Variants in C12orf42 observed in about 807,000 individuals in gnomAD.
C12orf42 encodes chromosome 12 open reading frame 42.
A neutral mutation model predicts 21.6 loss-of-function variants in C12orf42; 25 were observed. The observed-to-expected ratio is 1.16, with a 90% CI of 0.84 to 1.62. The LOEUF is 1.62. C12orf42 is among the 40% of genes most tolerant of loss of function. The pLI, the probability that C12orf42 is intolerant of heterozygous loss-of-function variation, is 0.00. For synonymous variants in C12orf42, 174 were observed against 175.0 expected (o/e 0.99, Z 0.05); for missense variants, 483 against 459.3 (o/e 1.05, Z -0.47).
chr12:103,521,070 T>C, the C12orf42 span, among the ~76,000 whole-genome samples: 70 of 152,320 alleles, frequency 4.6e-4, no homozygotes, highest in Admixed American at 9.2e-4. Context: ...TTGTAGGATA[T>C]GGCATGCACT....
the C12orf42 span, among the ~76,000 whole-genome samples, chr12:103,180,643 TTTG>T: frequency 7.2e-6 from 1 of 137,946 alleles, no homozygotes. Flanking sequence ...TTTTTTTTTT[TTTG>T]AGATGGAGTT....
the C12orf42 span, among the ~76,000 whole-genome samples, chr12:103,051,750 T>A: frequency 1.1e-4 from 16 of 152,262 alleles, no homozygotes; most frequent in African/African-American, 3.6e-4. Context: ...CCTTGCTCCA[T>A]CAGTCTGCTT....
In C12orf42 at chr12:103,420,067, C is replaced by A. The variant is rs78193441; in HGVS notation, c.79-18392G>T. 9.5e-4 allele frequency among the ~76,000 whole-genome samples: 144 copies of A among 152,198 alleles called. No homozygotes were observed. The East Asian group carries it at 0.025, about 27-fold the overall frequency. On this transcript the variant is annotated intron_variant, in intron 2 of 5. Transcript: ENST00000548883. Reference sequence around the variant, plus strand: ...TAAAATTGCATTTTTAAAAACATTTCTTTAGAAAGGAAATGTTACAGAGGG... The same window carrying A: ...TAAAATTGCATTTTTAAAAACATTTATTTAGAAAGGAAATGTTACAGAGGG...
the C12orf42 span, among the ~76,000 whole-genome samples, chr12:103,536,168 G>A: frequency 2.0e-5 from 3 of 152,172 alleles, no homozygotes; most frequent in Admixed American, 6.5e-5. Flanking sequence ...AGCAGTTGTG[G>A]GGACTGGTTA....
At chr12:103,377,464 C>G (rs2045795322) in intron 3 of C12orf42, among the ~76,000 whole-genome samples, 1 of 152,118 alleles carries the variant, frequency 6.6e-6, no homozygotes, top group South Asian at 2.1e-4. Context: ...CCTGGTATGT[C>G]CTCCAAACAC....
At chr12:103,210,217 G>A in the C12orf42 span, among the ~76,000 whole-genome samples, 25 of 152,226 alleles carry the variant, frequency 1.6e-4, no homozygotes, top group Non-Finnish European at 3.2e-4. Context: ...AAATAGATAT[G>A]AGATATTTAC....
chr12:103,291,030 AT>A (rs148978191), intron 4 of C12orf42, among the ~76,000 whole-genome samples: 11,962 of 152,152 alleles, frequency 0.079, 482 homozygotes, highest in East Asian at 0.18. Context: ...TTTATAAAAT[AT>A]TTTTTTAAAA....
chr12:103,352,735 T>C (rs1450782719), intron 4 of C12orf42, among the ~76,000 whole-genome samples: 4 of 152,088 alleles, frequency 2.6e-5, no homozygotes, highest in Non-Finnish European at 4.4e-5. Flanking sequence ...CTATGAAGGG[T>C]ACCAGATCTA....
the C12orf42 span, among the ~76,000 whole-genome samples, chr12:103,229,231 G>C: frequency 1.3e-5 from 2 of 152,162 alleles, no homozygotes; most frequent in Non-Finnish European, 2.9e-5. Flanking sequence ...TTGTCTTAAA[G>C]GAGGATATTT....
At chr12:103,367,298 A>G (rs2044693603) in intron 4 of C12orf42, among the ~76,000 whole-genome samples, 1 of 151,946 alleles carries the variant, frequency 6.6e-6, no homozygotes, top group African/African-American at 2.4e-5. Context: ...CAGGGGAAAT[A>G]GTAGGAAGTG....
At chr12:103,317,291 C>T (rs907883131) in intron 4 of C12orf42, among the ~76,000 whole-genome samples, 5 of 152,174 alleles carry the variant, frequency 3.3e-5, no homozygotes, top group Admixed American at 6.5e-5. Flanking sequence ...CACTCAACCA[C>T]CCCCTCTCTC....
intron 4 of C12orf42, among the ~76,000 whole-genome samples, chr12:103,361,645 T>G (rs2044120938): frequency 6.6e-6 from 1 of 152,058 alleles, no homozygotes; most frequent in Non-Finnish European, 1.5e-5. Context: ...GCTCACCCAC[T>G]GCCTAGAAAC....
chr12:103,104,736 T>A, the C12orf42 span, among the ~76,000 whole-genome samples: 1 of 152,092 alleles, frequency 6.6e-6, no homozygotes, highest in African/African-American at 2.4e-5. Flanking sequence ...CCTGGCCGGG[T>A]TTTCCATGTT....
chr12:103,080,892 T>C, the C12orf42 span: 1 of 152,190 alleles, frequency 6.6e-6, no homozygotes, highest in Admixed American at 6.5e-5. Context: ...GAGTTTCAAA[T>C]AGGTCAACAA....
the C12orf42 span, among the ~76,000 whole-genome samples, chr12:103,525,565 AAAATATTATT>A: frequency 6.6e-6 from 1 of 152,192 alleles, no homozygotes; most frequent in African/African-American, 2.4e-5. Context: ...CCCCTGAGGT[AAAATATTATT>A]ATTAACAGTA....
chr12:103,189,397 TCTC>T, the C12orf42 span, among the ~76,000 whole-genome samples: 1 of 152,132 alleles, frequency 6.6e-6, no homozygotes, highest in Non-Finnish European at 1.5e-5. Context: ...AGATTCTAGC[TCTC>T]CTCAAGGAAA....
At chr12:103,471,209 A>G (rs534347161) in intron 2 of C12orf42, among the ~76,000 whole-genome samples, 60 of 152,330 alleles carry the variant, frequency 3.9e-4, no homozygotes, top group Admixed American at 1.0e-3. Flanking sequence ...CATATAATAT[A>G]TACAATATAT....
At chr12:103,313,653 C>T (rs1566061270) in intron 4 of C12orf42, among the ~76,000 whole-genome samples, 1 of 152,188 alleles carries the variant, frequency 6.6e-6, no homozygotes, top group African/African-American at 2.4e-5. Flanking sequence ...TAGAGCAGTA[C>T]CTGCCACATA....
At chr12:103,536,393 G>C in the C12orf42 span, among the ~76,000 whole-genome samples, 2 of 151,868 alleles carry the variant, frequency 1.3e-5, no homozygotes, top group Non-Finnish European at 2.9e-5. Flanking sequence ...AAACAGAACT[G>C]GGCTGAGATT....
Sources: gnomAD v4.1 joint callset for allele counts (sites outside exome capture counted in the v4.1 genomes callset) on GRCh38, gnomAD v4.1.1 for gene constraint, MANE v1.5 for transcripts, NCBI Gene and HGNC (gene_info 2026-07-23, HGNC 2026-07-21) for gene names.